SYNJ2BP: variants seen among roughly 807,000 people sequenced by gnomAD.
The protein encoded by SYNJ2BP is synaptojanin-2-binding protein.
A neutral mutation model predicts 16.9 loss-of-function variants in SYNJ2BP; 10 were observed. The ratio of observed to expected loss-of-function variants is 0.59; its 90% CI spans 0.36 to 1.00. SYNJ2BP has a LOEUF of 1.00. Among genes scored for constraint, SYNJ2BP ranks in the 50% least tolerant of loss-of-function variants. SYNJ2BP has a pLI of 0.01. For synonymous variants in SYNJ2BP, 54 were observed against 68.4 expected, an observed-to-expected ratio of 0.79 and a Z score of 1.04; for missense variants, 162 against 186.7, an observed-to-expected ratio of 0.87 and a Z score of 0.77.
At chr14:70,401,199 C>T (rs901421420) in intron 1 of SYNJ2BP, among the ~76,000 whole-genome samples, 3 of 152,074 alleles carry the variant, frequency 2.0e-5, no homozygotes, top group South Asian at 4.2e-4. Context: ...GTTTTAGAAC[C>T]GTACAAACTG....
At chr14:70,400,305 C>A (rs1888207832) in intron 1 of SYNJ2BP, among the ~76,000 whole-genome samples, 1 of 152,132 alleles carries the variant, frequency 6.6e-6, no homozygotes, top group African/African-American at 2.4e-5. Context: ...AATACGATAA[C>A]CCTAATTATG....
chr14:70,416,363 C>T (rs1888607782), intron 1 of SYNJ2BP, among the ~76,000 whole-genome samples: 2 of 146,814 alleles, frequency 1.4e-5, no homozygotes, highest in Non-Finnish European at 3.0e-5. Context: ...TGTGGCGGAA[C>T]CAAGTTTGGG....
intron 2 of SYNJ2BP, among the ~76,000 whole-genome samples, chr14:70,386,256 T>G (rs762183483): frequency 6.6e-6 from 1 of 152,250 alleles, no homozygotes; most frequent in Non-Finnish European, 1.5e-5. Context: ...TGAATGTCTT[T>G]CCTTGGGAGC....
intron 2 of SYNJ2BP, among the ~76,000 whole-genome samples, chr14:70,377,964 A>G (rs955462035): frequency 1.1e-4 from 17 of 152,204 alleles, no homozygotes; most frequent in African/African-American, 4.1e-4. Context: ...CTCACAATGT[A>G]TGAGGTAGAA....
intron 1 of SYNJ2BP, among the ~76,000 whole-genome samples, chr14:70,405,220 G>A (rs1296469163): frequency 6.6e-6 from 1 of 151,636 alleles, no homozygotes; most frequent in Non-Finnish European, 1.5e-5. Context: ...GTCAGTATAG[G>A]ACAAAACTAA....
chr14:70,377,360 G>T (rs1455032825), intron 2 of SYNJ2BP, among the ~76,000 whole-genome samples: 1 of 152,164 alleles, frequency 6.6e-6, no homozygotes, highest in Non-Finnish European at 1.5e-5. Flanking sequence ...TATTCTGGGA[G>T]AAAGGTATAT....
At chr14:70,408,358 G>A (rs554448101) in intron 1 of SYNJ2BP, among the ~76,000 whole-genome samples, 4 of 152,098 alleles carry the variant, frequency 2.6e-5, no homozygotes, top group African/African-American at 2.4e-5. Flanking sequence ...GTACAGAATC[G>A]TCACTACAAA....
At position 70,368,859 on chromosome 14, in the gene SYNJ2BP, C is replaced by T. The variant is rs555798005; in HGVS notation, c.*4132G>A. On this transcript the variant is annotated 3_prime_UTR_variant, in exon 4 of 4. Coordinates refer to ENST00000256366, the MANE Select transcript of SYNJ2BP (RefSeq NM_018373.3). ...ACTTTATTTTACTGCTGCTTGAGTC[C>T]CACCCTCAGAGGTTCCTTTTAATTG... The T allele has an allele frequency of 6.6e-6, 1 of 152,258 alleles. No individual in the cohort carries two copies. The highest frequency in any genetic ancestry group is 2.4e-5 in the African/African-American group (1 of 41,544). 9.4% of individuals were successfully genotyped at this position (152,258 alleles called of 1,614,324 possible).
chr14:70,375,492 G>A (rs1300499578), intron 3 of SYNJ2BP, among the ~76,000 whole-genome samples, 184 bp downstream of exon 3: 2 of 152,174 alleles, frequency 1.3e-5, no homozygotes, highest in Admixed American at 1.3e-4. Flanking sequence ...GAGCCACCGT[G>A]CCTGGCCTGA....
At chr14:70,397,651 C>T (rs767002852) in intron 1 of SYNJ2BP, among the ~76,000 whole-genome samples, 2 of 152,150 alleles carry the variant, frequency 1.3e-5, no homozygotes, top group Admixed American at 1.3e-4. Context: ...TGCCAGGAAC[C>T]GTAGGGTCCC....
At chr14:70,399,608 T>A (rs566820645) in intron 1 of SYNJ2BP, among the ~76,000 whole-genome samples, 1 of 149,870 alleles carries the variant, frequency 6.7e-6, no homozygotes, top group Non-Finnish European at 1.5e-5. Context: ...CAGCCACTCC[T>A]GCTGTCACTG....
intron 3 of SYNJ2BP, among the ~76,000 whole-genome samples, chr14:70,374,437 A>C (rs1220053113): frequency 6.6e-6 from 1 of 152,178 alleles, no homozygotes; most frequent in Non-Finnish European, 1.5e-5. Flanking sequence ...TTAGCCACTG[A>C]GTGAGGAAGA....
chr14:70,402,168 T>C (rs534412250), intron 1 of SYNJ2BP, among the ~76,000 whole-genome samples: 143 of 152,342 alleles, frequency 9.4e-4, no homozygotes, highest in African/African-American at 3.2e-3. Flanking sequence ...TCTTCCATAC[T>C]GCATTACTTG....
intron 2 of SYNJ2BP, among the ~76,000 whole-genome samples, chr14:70,385,971 C>T (rs1293271961): frequency 6.6e-6 from 1 of 152,140 alleles, no homozygotes; most frequent in African/African-American, 2.4e-5. Context: ...AGCATGTTAC[C>T]TGACATTTAG....
chr14:70,412,410 G>C (rs1335104838), intron 1 of SYNJ2BP, among the ~76,000 whole-genome samples: 2 of 151,246 alleles, frequency 1.3e-5, no homozygotes, highest in East Asian at 3.9e-4. Flanking sequence ...TAATAATGTG[G>C]ATTAAATATT....
In SYNJ2BP at chr14:70,373,032, C is replaced by T; in HGVS notation, c.397G>A (p.Val133Ile). The T allele has an allele frequency of 1.2e-6, 2 of 1,614,104 alleles. No homozygotes were observed. Among genetic ancestry groups the T allele is most frequent in the East Asian group, 2.2e-5 (1 of 44,880 alleles). ...TATCTCATGAAAGCCCAGGCTGCTA[C>T]CATGGTGAGGGCAAACACTGGCACC... is the stretch of plus-strand genomic sequence containing the variant. Reference protein sequence around the residue: ...VLVPVFALTMVAAWAFMRYRQ... With the variant: ...VLVPVFALTMIAAWAFMRYRQ... The change falls in exon 4 of 4, where the codon GTA becomes ATA. Residue 133 changes from valine (V) to isoleucine (I), a missense_variant. Val to Ile is a conservative substitution (Grantham distance 29). Transcript: ENST00000256366.
At chr14:70,386,157 A>G (rs527250480) in intron 2 of SYNJ2BP, among the ~76,000 whole-genome samples, 1 of 152,352 alleles carries the variant, frequency 6.6e-6, no homozygotes, top group East Asian at 1.9e-4. Flanking sequence ...ATTAAGCTGC[A>G]TAGATTCTAA....
chr14:70,396,849 C>T (rs1458038002), intron 1 of SYNJ2BP, among the ~76,000 whole-genome samples: 1 of 152,136 alleles, frequency 6.6e-6, no homozygotes, highest in Non-Finnish European at 1.5e-5. Context: ...TTTTCTGTCA[C>T]TAAGCTGTAA....
At chr14:70,398,248 C>T (rs1888150464) in intron 1 of SYNJ2BP, among the ~76,000 whole-genome samples, 1 of 152,212 alleles carries the variant, frequency 6.6e-6, no homozygotes, top group Non-Finnish European at 1.5e-5. Context: ...CACATGTACC[C>T]ATTCCAGTCT....
Sources: allele counts gnomAD v4.1 joint callset (sites outside exome capture counted in the v4.1 genomes callset), GRCh38; gene constraint gnomAD v4.1.1; transcripts MANE v1.5; gene names NCBI Gene and HGNC (gene_info 2026-07-23, HGNC 2026-07-21).